Variants in DPY19L1 observed in about 807,000 individuals in gnomAD.
The protein encoded by DPY19L1 is dpy-19 like C-mannosyltransferase 1.
DPY19L1 carries 35 observed loss-of-function variants against 96.9 expected under a neutral mutation model. The observed-to-expected ratio is 0.36, with a 90% confidence interval of 0.28 to 0.48. The LOEUF (loss-of-function observed/expected upper bound fraction) is 0.48. Ranked by LOEUF, DPY19L1 falls within the 20% of genes least tolerant of loss-of-function variation. DPY19L1 has a pLI of 0.99. For synonymous variants in DPY19L1, 205 were observed against 252.6 expected (o/e 0.81, Z 1.79); for missense variants, 521 against 777.9 (o/e 0.67, Z 3.93).
At chr7:34,935,378 T>TA (rs1783848298) in intron 21 of DPY19L1, among the ~76,000 whole-genome samples, 1 of 152,168 alleles carries the variant, frequency 6.6e-6, no homozygotes, top group Non-Finnish European at 1.5e-5. Context: ...TCCTTCTAAA[T>TA]ACATGTATTC....
At chr7:34,936,781 ATTAT>A (rs1184692978) in intron 21 of DPY19L1, among the ~76,000 whole-genome samples, 1 of 152,160 alleles carries the variant, frequency 6.6e-6, no homozygotes, top group African/African-American at 2.4e-5. Flanking sequence ...ATAATCAACA[ATTAT>A]TTTAGTTTCC....
intron 7 of DPY19L1, among the ~76,000 whole-genome samples, chr7:34,989,176 T>C (rs1460866869): frequency 6.6e-6 from 1 of 152,212 alleles, no homozygotes; most frequent in African/African-American, 2.4e-5. Context: ...TAAAAGAGTA[T>C]CAAATGTTAA....
Position 34,973,620 on chromosome 7 carries a change from T to A in DPY19L1, c.823-15A>T. The A allele has an allele frequency of 7.1e-7, 1 of 1,406,292 alleles. No individual in the cohort carries two copies. Among genetic ancestry groups the A allele is most frequent in the African/African-American group, 1.5e-5 (1 of 68,080 alleles). The allele number at this position is 1,406,292 out of a possible 1,614,324, so 87.1% of individuals were successfully genotyped here. ...ACACGGGTACACTGAAAAAAAAAATTTGTAGTATAGTATACTTGCTAAATT... is the reference window on the plus strand; with the variant it reads ...ACACGGGTACACTGAAAAAAAAAATATGTAGTATAGTATACTTGCTAAATT... On this transcript the variant is annotated splice_polypyrimidine_tract_variant and intron_variant, in intron 7 of 21. Coordinates refer to ENST00000638088, the MANE Select transcript of DPY19L1 (RefSeq NM_001366673.1).
At chr7:35,000,828 T>A (rs1377998062) in intron 6 of DPY19L1, 3 of 152,246 alleles carry the variant, frequency 2.0e-5, no homozygotes, top group Admixed American at 1.3e-4. Context: ...TTATGAAATA[T>A]AAATACCACT....
chr7:34,959,102 CAT>C (rs1784437529), intron 10 of DPY19L1, among the ~76,000 whole-genome samples: 1 of 151,610 alleles, frequency 6.6e-6, no homozygotes, highest in African/African-American at 2.4e-5. Flanking sequence ...AGCCAACAAA[CAT>C]ATGAAAAAAA....
At chr7:35,006,616 C>CA (rs1785563725) in intron 6 of DPY19L1, among the ~76,000 whole-genome samples, 1 of 151,832 alleles carries the variant, frequency 6.6e-6, no homozygotes, top group African/African-American at 2.4e-5. Context: ...AATACAGCTT[C>CA]AAAAAATAAT....
intron 6 of DPY19L1, among the ~76,000 whole-genome samples, chr7:34,990,389 AAACCCC>A (rs750154724): frequency 3.9e-5 from 6 of 152,224 alleles, no homozygotes; most frequent in Non-Finnish European, 8.8e-5. Context: ...TAAGGATGGA[AAACCCC>A]ACACTGCCTA....
chr7:35,029,340 C>T (rs1018995128), intron 1 of DPY19L1, among the ~76,000 whole-genome samples: 6 of 152,184 alleles, frequency 3.9e-5, no homozygotes, highest in African/African-American at 1.4e-4. Context: ...TGCTTCTGAG[C>T]ATGCATAGGG....
At chr7:34,931,967 T>A (rs1446846319) in intron 21 of DPY19L1, among the ~76,000 whole-genome samples, 1 of 152,184 alleles carries the variant, frequency 6.6e-6, no homozygotes, top group African/African-American at 2.4e-5. Flanking sequence ...GATACATATA[T>A]CCAGGTGTTG....
At chr7:34,992,139 C>T (rs540483444) in intron 6 of DPY19L1, among the ~76,000 whole-genome samples, 120 of 152,258 alleles carry the variant, frequency 7.9e-4, no homozygotes, top group Admixed American at 2.0e-3. Context: ...CGTTTCTCCA[C>T]CCCTCGTGCA....
chr7:34,950,043 C>T, intron 13 of DPY19L1, 145 bp from the exon 14 acceptor site: 4 of 487,112 alleles, frequency 8.2e-6, no homozygotes, highest in South Asian at 2.6e-5. Context: ...GAAGGAAATG[C>T]TATATCCTCC....
intron 6 of DPY19L1, among the ~76,000 whole-genome samples, chr7:34,993,445 T>C (rs889526069): frequency 2.0e-5 from 3 of 152,224 alleles, no homozygotes; most frequent in Non-Finnish European, 4.4e-5. Flanking sequence ...TCTGTATTTT[T>C]TTTTTTGTTA....
intron 10 of DPY19L1, 143 bp from the exon 11 acceptor site, chr7:34,958,213 A>C: frequency 9.7e-6 from 5 of 513,060 alleles, no homozygotes; most frequent in Admixed American, 4.1e-5. Context: ...TCTCCATCTC[A>C]CACTTCAAAC....
At chr7:34,967,929 AGT>A (rs1784645688) in intron 9 of DPY19L1, among the ~76,000 whole-genome samples, 1 of 152,140 alleles carries the variant, frequency 6.6e-6, no homozygotes, top group African/African-American at 2.4e-5. Context: ...ACTGTGGGGA[AGT>A]GTGTGTTATT....
At chr7:34,997,723 T>C (rs1785326117) in intron 6 of DPY19L1, among the ~76,000 whole-genome samples, 1 of 152,116 alleles carries the variant, frequency 6.6e-6, no homozygotes, top group African/African-American at 2.4e-5. Flanking sequence ...CAGCAAATGC[T>C]TGATTTTTTT....
intron 8 of DPY19L1, among the ~76,000 whole-genome samples, 156 bp from the exon 9 acceptor site, chr7:34,969,688 A>G (rs1784685249): frequency 6.6e-6 from 1 of 152,228 alleles, no homozygotes; most frequent in African/African-American, 2.4e-5. Context: ...ATACCTCCTG[A>G]TACTCAATTA....
chr7:34,979,628 T>C (rs1320968617), intron 7 of DPY19L1, among the ~76,000 whole-genome samples: 2 of 152,138 alleles, frequency 1.3e-5, no homozygotes, highest in Non-Finnish European at 2.9e-5. Flanking sequence ...CAGAATAATT[T>C]GTTTCTGGAA....
rs543600693 is a variant in DPY19L1 at position 35,036,584 on chromosome 7, A to T, written c.298+513T>A. 3.3e-5 allele frequency among the ~76,000 whole-genome samples: 5 copies of T among 152,280 alleles called. No homozygotes were observed. The South Asian group carries it at 1.0e-3, about 32-fold the overall frequency. ...ACGTGTCGAGGGGAATCACAAATAA[A>T]GTGCCACCAGCGGCGTTTGCGGCCA... On this transcript the variant is annotated intron_variant, in intron 1 of 21. Transcript: ENST00000638088.
In DPY19L1 at chr7:34,929,248, A is replaced by C. The variant is rs953507395; in HGVS notation, c.*2325T>G. ...TGTACGCCTATGGAACCTGCTACCAATCTGCATTGCCATCAAAGGTGTGGA... is the reference window on the plus strand; with the variant it reads ...TGTACGCCTATGGAACCTGCTACCACTCTGCATTGCCATCAAAGGTGTGGA... On this transcript the variant is annotated 3_prime_UTR_variant, in exon 22 of 22. Coordinates refer to ENST00000638088, the MANE Select transcript of DPY19L1 (RefSeq NM_001366673.1). 7 of 152,214 alleles carry C rather than the reference A, an allele frequency of 4.6e-5. No individual in the cohort carries two copies. Among genetic ancestry groups the C allele is most frequent in the African/African-American group, 1.7e-4 (7 of 41,444 alleles). 9.4% of individuals were successfully genotyped at this position (152,214 alleles called of 1,614,324 possible).
Sources: allele counts gnomAD v4.1 joint callset (sites outside exome capture counted in the v4.1 genomes callset), GRCh38; gene constraint gnomAD v4.1.1; transcripts MANE v1.5; gene names NCBI Gene and HGNC (gene_info 2026-07-23, HGNC 2026-07-21).